The following ANKLE2 variants were observed in gnomAD, a reference collection of about 807,000 sequenced individuals.
ANKLE2 encodes ankyrin repeat and LEM domain containing 2, also known as ankyrin repeat and LEM domain-containing protein 2.
A neutral mutation model predicts 84.2 loss-of-function variants in ANKLE2; 55 were observed. That is an observed-to-expected ratio of 0.65 (90% confidence interval 0.53 to 0.82). ANKLE2 has a LOEUF of 0.82. Ranked by LOEUF, ANKLE2 falls within the 40% of genes least tolerant of loss-of-function variation. The pLI is 0.00. For missense variants in ANKLE2, 1,238 were observed against 1,201.9 expected, an observed-to-expected ratio of 1.03 and a Z score of -0.44; for synonymous variants, 551 against 486.1, an observed-to-expected ratio of 1.13 and a Z score of -1.76.
chr12:132,741,305 G>A, intron 7 of ANKLE2, 114 bp downstream of exon 7: 1 of 1,010,512 alleles, frequency 9.9e-7, no homozygotes, highest in Non-Finnish European at 1.5e-6. Flanking sequence ...CTTCCGAGGG[G>A]AGCCGGCACA....
chr12:132,736,047 G>A (rs973580409), intron 8 of ANKLE2, among the ~76,000 whole-genome samples: 1 of 152,202 alleles, frequency 6.6e-6, no homozygotes, highest in African/African-American at 2.4e-5. Flanking sequence ...CACCTCCGGG[G>A]TTCAGGCCAT....
At position 132,735,463 on chromosome 12, in the gene ANKLE2, C is replaced by A; in HGVS notation, c.1643G>T (p.Gly548Val). 4.3e-6 allele frequency: 7 copies of A among 1,613,934 alleles called. No individual in the cohort carries two copies. Among genetic ancestry groups the A allele is most frequent in the Non-Finnish European group, 5.9e-6 (7 of 1,180,006 alleles). Residue 548 changes from glycine to valine, a missense_variant, in exon 9 of 13, where the codon GGC becomes GTC. Around this residue, in one of 3 missense-constraint regions of ANKLE2, gnomAD observed 802 missense variants for 774.5 expected, o/e 1.04. Transcript: ENST00000357997. ...LWKTPPREKA[G>V]FLHHVKKSDP... ...CGACTTCTTGACGTGGTGAAGGAAG[C>A]CTGCTTTCTCTCGAGGTGGAGTTTT...
At chr12:132,748,839 C>A (rs934853751) in intron 3 of ANKLE2, 4 of 158,242 alleles carry the variant, frequency 2.5e-5, no homozygotes, top group South Asian at 1.7e-4. Flanking sequence ...CAGTTGTATG[C>A]CAACACGCCT....
At chr12:132,734,622 TACTC>T (rs767107803) in intron 9 of ANKLE2, 47 bp from the exon 10 acceptor site, 5 of 1,545,280 alleles carry the variant, frequency 3.2e-6, no homozygotes, top group Non-Finnish European at 4.4e-6. Context: ...CCAGAAAAAA[TACTC>T]AGAACTACAC....
chr12:132,761,585 G>A, intron 1 of ANKLE2, 33 bp downstream of exon 1: 1 of 1,212,276 alleles, frequency 8.2e-7, no homozygotes, highest in East Asian at 3.3e-5. Context: ...AAGGGGCCAG[G>A]GTGCGGGGAC....
At chr12:132,732,468 G>A (rs1380558077) in intron 10 of ANKLE2, among the ~76,000 whole-genome samples, 2 of 146,478 alleles carry the variant, frequency 1.4e-5, no homozygotes, top group African/African-American at 5.1e-5. Flanking sequence ...CTGCGTGCTG[G>A]TGTCTGACAT....
Position 132,748,186 on chromosome 12 carries a change from G to C in ANKLE2, c.993C>G (p.Ser331Arg), listed in dbSNP as rs1243308740. The C allele has an allele frequency of 6.2e-7, 1 of 1,613,844 alleles. No homozygotes were observed. Among genetic ancestry groups the C allele is most frequent in the Non-Finnish European group, 8.5e-7 (1 of 1,179,976 alleles). Residue 331 changes from serine (S) to arginine (R), a missense_variant, in exon 4 of 13, where the codon AGC (serine) becomes AGG (arginine). By Grantham distance (110) the Ser-to-Arg change is moderately radical. Coordinates refer to ENST00000357997, the MANE Select transcript of ANKLE2 (RefSeq NM_015114.3). ...CTGAGCCTATCAGATACCGGGGGTT[G>C]CTCCAGATAAGGTCAGAAAAGGTGT... Reference protein sequence around the residue: ...EEDTFSDLIWSNPRYLIGSGD... With the variant: ...EEDTFSDLIWRNPRYLIGSGD...
intron 1 of ANKLE2, chr12:132,761,034 T>C (rs1170132861): frequency 6.6e-6 from 1 of 152,268 alleles, no homozygotes; most frequent in Non-Finnish European, 1.5e-5. Flanking sequence ...AATACACAGT[T>C]CACTGTATCA....
At chr12:132,760,018 C>T in intron 1 of ANKLE2, 1 of 151,864 alleles carries the variant, frequency 6.6e-6, no homozygotes, top group East Asian at 1.9e-4. Flanking sequence ...CCTGTAATCC[C>T]AGCTACTCGG....
chr12:132,747,433 G>C (rs2044262811), intron 5 of ANKLE2, among the ~76,000 whole-genome samples: 1 of 152,140 alleles, frequency 6.6e-6, no homozygotes, highest in Admixed American at 6.5e-5. Context: ...AGCATGGTTT[G>C]CAGGGGCAGC....
chr12:132,741,321 G>A (rs1261348479), intron 7 of ANKLE2, 98 bp downstream of exon 7: 19 of 1,223,182 alleles, frequency 1.6e-5, no homozygotes, highest in East Asian at 1.4e-4. Flanking sequence ...GCACACGCCC[G>A]GGGAGCTCAG....
rs1275589523 is a variant in ANKLE2 at position 132,754,701 on chromosome 12, A to G, written c.614T>C (p.Val205Ala). ...EPPLYYGVCP[V>A]YEDVPARNER... Reference sequence around the variant, plus strand: ...ATTTCTCGCTGGGACGTCCTCATACACTGGACACACCCCATAGTACAGGGG... The same window carrying G: ...ATTTCTCGCTGGGACGTCCTCATACGCTGGACACACCCCATAGTACAGGGG... The change falls in exon 2 of 13, where the codon GTG becomes GCG. Residue 205 changes from valine to alanine, a missense_variant. This residue lies in a region of ANKLE2 where 422 missense variants were observed against 394.5 expected (regional missense o/e 1.07). Transcript: ENST00000357997. 3 of 1,612,304 alleles carry G rather than the reference A, an allele frequency of 1.9e-6. No individual in the cohort carries two copies. Among genetic ancestry groups the G allele is most frequent in the Non-Finnish European group, 2.5e-6 (3 of 1,178,986 alleles).
intron 7 of ANKLE2, chr12:132,738,152 C>G (rs2044050428): frequency 7.1e-6 from 1 of 141,324 alleles, no homozygotes; most frequent in Admixed American, 7.3e-5. Context: ...AATCCTGCTT[C>G]TCTTGTAGTT....
At chr12:132,752,128 G>A (rs534854471) in intron 2 of ANKLE2, among the ~76,000 whole-genome samples, 36 of 151,982 alleles carry the variant, frequency 2.4e-4, no homozygotes, top group African/African-American at 7.7e-4. Flanking sequence ...ATCACCTGAC[G>A]TTGAGAGTTT....
At chr12:132,752,411 CTTTTT>C (rs946781111) in intron 2 of ANKLE2, among the ~76,000 whole-genome samples, 7 of 151,898 alleles carry the variant, frequency 4.6e-5, no homozygotes, top group Admixed American at 3.9e-4. Flanking sequence ...GTGTTACTTT[CTTTTT>C]TTTGAGATGG....
At chr12:132,759,537 A>G (rs968344629) in intron 1 of ANKLE2, 2 of 152,176 alleles carry the variant, frequency 1.3e-5, no homozygotes, top group African/African-American at 2.4e-5. Flanking sequence ...TATATGTGCT[A>G]TATGATATAC....
rs1566037316 is a variant in ANKLE2, at chr12:132,754,945, C to G, written c.370G>C (p.Glu124Gln). The G allele has an allele frequency of 1.2e-6, 2 of 1,614,224 alleles. No homozygotes were observed. The highest frequency in any genetic ancestry group is 2.2e-5 in the East Asian group (1 of 44,884). The change falls in exon 2 of 13, where the codon GAG becomes CAG. Residue 124 changes from glutamate (E) to glutamine (Q), a missense_variant. Physicochemically the swap from Glu to Gln is conservative, Grantham distance 29 (BLOSUM62 2). Coordinates refer to ENST00000357997, the MANE Select transcript of ANKLE2 (RefSeq NM_015114.3). ...GGRLSSFYHH[E>Q]AGVTALSQDP... is the part of the protein sequence containing the mutation. ...TGGCTGAGAGCTGTGACACCTGCCT[C>G]ATGGTGGTAGAAAGAAGACAGCCTT...
intron 1 of ANKLE2, chr12:132,758,670 C>A (rs1369255182): frequency 1.3e-5 from 2 of 152,148 alleles, no homozygotes; most frequent in Non-Finnish European, 2.9e-5. Flanking sequence ...ATTACAGGTA[C>A]CTGCCACCAC....
chr12:132,749,682 C>T (rs1380381051), intron 3 of ANKLE2, among the ~76,000 whole-genome samples: 1 of 152,146 alleles, frequency 6.6e-6, no homozygotes, highest in Non-Finnish European at 1.5e-5. Flanking sequence ...GGAACTGAGG[C>T]CAGATGAAAG....
Sources: gnomAD v4.1 joint callset for allele counts (sites outside exome capture counted in the v4.1 genomes callset) on GRCh38, gnomAD v4.1.1 for gene constraint, gnomAD v4.1.1 regional missense constraint, MANE v1.5 for transcripts, NCBI Gene and HGNC (gene_info 2026-07-23, HGNC 2026-07-21) for gene names.